Variants in UNC5C observed in about 807,000 individuals in gnomAD.
The protein encoded by UNC5C is netrin receptor UNC5C.
Under a neutral mutation model 99.8 loss-of-function variants are expected in UNC5C, and 47 were observed. The ratio of observed to expected loss-of-function variants is 0.47; its 90% CI spans 0.37 to 0.60. The LOEUF (loss-of-function observed/expected upper bound fraction) is 0.60. Ranked by LOEUF, UNC5C falls within the 20% of genes least tolerant of loss-of-function variation. The pLI, the probability that UNC5C is intolerant of heterozygous loss-of-function variation, is 0.00. For missense variants in UNC5C, 1,062 were observed against 1,165.9 expected, an observed-to-expected ratio of 0.91 and a Z score of 1.30; for synonymous variants, 487 against 452.2, an observed-to-expected ratio of 1.08 and a Z score of -0.98.
chr4:95,293,116 A>G (rs751017386), intron 3 of UNC5C, among the ~76,000 whole-genome samples: 14 of 152,072 alleles, frequency 9.2e-5, no homozygotes, highest in Non-Finnish European at 2.1e-4. Flanking sequence ...CCAGTTTTAG[A>G]CTTGGGGTAA....
chr4:95,536,792 A>G (rs990481888), intron 1 of UNC5C, among the ~76,000 whole-genome samples: 1 of 152,222 alleles, frequency 6.6e-6, no homozygotes, highest in Non-Finnish European at 1.5e-5. Flanking sequence ...TCTGTTATTA[A>G]TGTTTGAGTT....
chr4:95,179,746 C>CA (rs33974336), intron 14 of UNC5C, among the ~76,000 whole-genome samples: 41,643 of 98,234 alleles, frequency 0.42, 9,117 homozygotes, highest in Middle Eastern at 0.56. Context: ...GACTCCTTCT[C>CA]AAAAAAAAAA....
intron 4 of UNC5C, among the ~76,000 whole-genome samples, chr4:95,261,948 C>T (rs767525840): frequency 2.6e-5 from 4 of 152,138 alleles, no homozygotes; most frequent in African/African-American, 4.8e-5. Context: ...CATGATCTGC[C>T]GGCCTCAGCC....
chr4:95,183,498 G>A (rs934261197), intron 13 of UNC5C, among the ~76,000 whole-genome samples: 2 of 152,116 alleles, frequency 1.3e-5, no homozygotes, highest in African/African-American at 4.8e-5. Context: ...AAGTCTAAAG[G>A]ATACTGCACT....
At chr4:95,427,609 T>C (rs190370387) in intron 1 of UNC5C, among the ~76,000 whole-genome samples, 1 of 152,268 alleles carries the variant, frequency 6.6e-6, no homozygotes, top group East Asian at 1.9e-4. Context: ...TTTCTAGCAA[T>C]AAAGTTTTTT....
chr4:95,324,759 T>C (rs1291784421), intron 2 of UNC5C, among the ~76,000 whole-genome samples: 1 of 152,158 alleles, frequency 6.6e-6, no homozygotes, highest in Admixed American at 6.5e-5. Flanking sequence ...CTTTGCCCCT[T>C]CTGCCATGTA....
intron 1 of UNC5C, among the ~76,000 whole-genome samples, chr4:95,467,683 A>G (rs1319009725): frequency 6.6e-6 from 1 of 152,186 alleles, no homozygotes; most frequent in Non-Finnish European, 1.5e-5. Flanking sequence ...TAGCCCTTGA[A>G]CAATGCTGGG....
intron 7 of UNC5C, among the ~76,000 whole-genome samples, chr4:95,221,191 GTT>G (rs1163353918): frequency 1.3e-5 from 2 of 152,266 alleles, no homozygotes; most frequent in East Asian, 3.9e-4. Flanking sequence ...TTAAGTCTCT[GTT>G]TTTAGTATTC....
rs369352182 is a variant in UNC5C, at chr4:95,462,926, G to T, written c.124+85808C>A. The stretch of plus-strand genomic sequence containing the variant: ...ATGAGGGGGTGATGGCCTTGAGGCT[G>T]CTCTGCTAGTCTTCAAATCTTTGAG... On this transcript the variant is annotated intron_variant, in intron 1 of 15. Coordinates refer to ENST00000453304, the MANE Select transcript of UNC5C (RefSeq NM_003728.4). Among the ~76,000 whole-genome samples, 34 of 152,280 alleles carry T rather than the reference G, an allele frequency of 2.2e-4. No individual in the cohort carries two copies. In the East Asian group the frequency reaches 6.6e-3, roughly 30 times the overall value.
chr4:95,546,230 C>T (rs989999207), intron 1 of UNC5C, among the ~76,000 whole-genome samples: 2 of 152,036 alleles, frequency 1.3e-5, no homozygotes, highest in African/African-American at 4.8e-5. Flanking sequence ...GGAAATCATA[C>T]CTTGAGGGTA....
chr4:95,349,116 A>G (rs987929631), intron 1 of UNC5C, among the ~76,000 whole-genome samples: 1 of 151,514 alleles, frequency 6.6e-6, no homozygotes, highest in African/African-American at 2.4e-5. Flanking sequence ...CATAACCAAA[A>G]GAGTATAATT....
intron 1 of UNC5C, among the ~76,000 whole-genome samples, chr4:95,466,434 C>T (rs183687716): frequency 5.9e-5 from 9 of 152,216 alleles, no homozygotes; most frequent in African/African-American, 2.2e-4. Flanking sequence ...AATTATGATG[C>T]TTGTAACTTT....
In UNC5C at chr4:95,402,208, T is replaced by G. The variant is rs554593547; in HGVS notation, c.125-66577A>C. On this transcript the variant is annotated intron_variant, in intron 1 of 15. Transcript: ENST00000453304. ...CTTCTAATTGATGCCATTATACATC[T>G]TAGATATCATCTGTTTTACTCCATT... Among the ~76,000 whole-genome samples the G allele has an allele frequency of 9.2e-5, 14 of 152,370 alleles. No individual in the cohort carries two copies. In the South Asian group the frequency reaches 2.5e-3, roughly 27 times the overall value.
chr4:95,293,767 C>G (rs1741573434), intron 3 of UNC5C, among the ~76,000 whole-genome samples: 1 of 152,124 alleles, frequency 6.6e-6, no homozygotes, highest in African/African-American at 2.4e-5. Flanking sequence ...CATATACCAC[C>G]TGTATAACCT....
At chr4:95,515,966 T>C (rs1051207729) in intron 1 of UNC5C, among the ~76,000 whole-genome samples, 3 of 152,212 alleles carry the variant, frequency 2.0e-5, no homozygotes, top group African/African-American at 7.2e-5. Context: ...TAATGCTCTA[T>C]GTGCATGTAT....
chr4:95,450,971 G>A (rs1388346760), intron 1 of UNC5C, among the ~76,000 whole-genome samples: 1 of 152,094 alleles, frequency 6.6e-6, no homozygotes, highest in African/African-American at 2.4e-5. Flanking sequence ...CTATAATTTT[G>A]TTAGCACATA....
intron 14 of UNC5C, among the ~76,000 whole-genome samples, chr4:95,179,829 C>G (rs1736536084): frequency 6.6e-6 from 1 of 151,378 alleles, no homozygotes; most frequent in South Asian, 2.1e-4. Flanking sequence ...GGGTTCAGAG[C>G]TTTCAAGTAA....
chr4:95,478,066 GTTT>G (rs554658523), intron 1 of UNC5C, among the ~76,000 whole-genome samples: 2 of 151,902 alleles, frequency 1.3e-5, no homozygotes, highest in South Asian at 2.1e-4. Context: ...TTATTACTAG[GTTT>G]TTTAGCTCAC....
rs554143298 is a variant in UNC5C at position 95,271,426 on chromosome 4, T to C, written c.594+6833A>G. On this transcript the variant is annotated intron_variant, in intron 4 of 15. Coordinates refer to ENST00000453304, the MANE Select transcript of UNC5C (RefSeq NM_003728.4). ...TGTGTTTTTTAGTAGAGACGGGGTT[T>C]CACTGTGTTAGCCAGGATGGTCTCG... is the stretch of plus-strand genomic sequence containing the variant. Among the ~76,000 whole-genome samples the C allele has an allele frequency of 2.7e-3, 409 of 152,200 alleles. 2 individuals carry two copies. The highest frequency in any genetic ancestry group is 6.7e-3 in the South Asian group (32 of 4,808).
Sources: allele counts gnomAD v4.1 joint callset (sites outside exome capture counted in the v4.1 genomes callset), GRCh38; gene constraint gnomAD v4.1.1; transcripts MANE v1.5; gene names NCBI Gene and HGNC (gene_info 2026-07-23, HGNC 2026-07-21).